The following SOCS7 variants were observed in gnomAD, a reference collection of about 807,000 sequenced individuals.
SOCS7 encodes NAP-4.
In SOCS7, 18 loss-of-function variants were observed where a neutral mutation model predicts 58.9. That is an observed-to-expected ratio of 0.31 (90% confidence interval 0.21 to 0.45). SOCS7 has a LOEUF of 0.45. Ranked by LOEUF, SOCS7 falls within the 20% of genes least tolerant of loss-of-function variation. SOCS7 has a pLI of 1.00. For synonymous variants in SOCS7, 388 were observed against 364.3 expected (o/e 1.06, Z -0.74); for missense variants, 667 against 837.3 (o/e 0.80, Z 2.51).
Position 38,357,664 on chromosome 17 carries a change from C to T in SOCS7, c.981-4047C>T, listed in dbSNP as rs587706717. On this transcript the variant is annotated intron_variant, in intron 1 of 9. Transcript: ENST00000612932. ...CCTGTAGCACATGAACAGACACTGG[C>T]TTATGACGTGTTGGAAATGGCACAG... Among the ~76,000 whole-genome samples, 46 of 152,292 alleles carry T rather than the reference C, an allele frequency of 3.0e-4. No individual in the cohort carries two copies. The South Asian group carries it at 9.3e-3, about 31-fold the overall frequency.
At chr17:38,386,568 G>A (rs906713887) in intron 7 of SOCS7, among the ~76,000 whole-genome samples, 5 of 151,956 alleles carry the variant, frequency 3.3e-5, no homozygotes, top group Non-Finnish European at 5.9e-5. Flanking sequence ...CTCTTTTTGT[G>A]ATCTTAGCAG....
chr17:38,352,616 C>T lies in SOCS7; in HGVS notation c.564C>T (p.Ala188=), dbSNP rs1284546793. ...LLVLEGLESE[A]ESLETNSCSE... is the part of the protein sequence containing the mutation. ...TCCTGGAGGGCTTGGAATCGGAGGC[C>T]GAGAGCCTGGAGACTAACAGCTGCT... Residue 188 remains alanine, a synonymous_variant, in exon 1 of 10, where the codon GCC becomes GCT. Coordinates refer to ENST00000612932, the MANE Select transcript of SOCS7 (RefSeq NM_014598.4). This position sits in a 1 kb window ranked among gnomAD's most constrained non-coding sequence, Gnocchi z 5.5. 1 of 1,550,076 alleles carries T rather than the reference C, an allele frequency of 6.5e-7. No homozygotes were observed. The highest frequency in any genetic ancestry group is 8.7e-7 in the Non-Finnish European group (1 of 1,146,868).
chr17:38,364,463 G>A (rs778729052), intron 2 of SOCS7, among the ~76,000 whole-genome samples: 22 of 152,168 alleles, frequency 1.4e-4, no homozygotes, highest in Non-Finnish European at 2.1e-4. Context: ...CCTTGTTTGA[G>A]GGTACGTTGT....
At chr17:38,381,530 G>A (rs1050868440) in intron 7 of SOCS7, among the ~76,000 whole-genome samples, 1 of 152,162 alleles carries the variant, frequency 6.6e-6, no homozygotes, top group African/African-American at 2.4e-5. Flanking sequence ...ACCCTTTGAG[G>A]GGATAGTACC....
At chr17:38,392,715 G>A (rs148468125) in intron 7 of SOCS7, among the ~76,000 whole-genome samples, 79 of 152,304 alleles carry the variant, frequency 5.2e-4, no homozygotes, top group Non-Finnish European at 1.1e-3. Context: ...ACTAGGAGAG[G>A]CTGGTCATGA....
intron 7 of SOCS7, 59 bp downstream of exon 7, chr17:38,377,901 CA>C (rs2037952071): frequency 2.6e-6 from 4 of 1,512,990 alleles, no homozygotes; most frequent in African/African-American, 1.4e-5. Context: ...AGTTTAGTGT[CA>C]AAAAACACCA....
chr17:38,388,381 C>T (rs1215608191), intron 7 of SOCS7, among the ~76,000 whole-genome samples: 5 of 151,648 alleles, frequency 3.3e-5, no homozygotes, highest in Non-Finnish European at 5.9e-5. Context: ...TAGCTAGGAG[C>T]GGTGGTGAGC....
chr17:38,396,654 G>T (rs1253686610), intron 9 of SOCS7, among the ~76,000 whole-genome samples: 1 of 152,162 alleles, frequency 6.6e-6, no homozygotes, highest in African/African-American at 2.4e-5. Flanking sequence ...AAAACATCTT[G>T]CAATACTGGT....
chr17:38,387,100 A>AAAT (rs2038079510), intron 7 of SOCS7, among the ~76,000 whole-genome samples: 3 of 83,004 alleles, frequency 3.6e-5, no homozygotes, highest in African/African-American at 1.6e-4. Flanking sequence ...AAAAAAAAAA[A>AAAT]AAATATATAT....
chr17:38,403,049 A>C lies in SOCS7; in HGVS notation c.*3567A>C, dbSNP rs181796130. On this transcript the variant is annotated 3_prime_UTR_variant, in exon 10 of 10. Transcript: ENST00000612932. ...AGTGGGTGGCAACCGGCTCTTTGGG[A>C]CCATTGGTGCTGACCTTTGCCTGGT... 58 of 152,060 alleles carry C rather than the reference A, an allele frequency of 3.8e-4. No homozygotes were observed. Among genetic ancestry groups the C allele is most frequent in the African/African-American group, 1.4e-3 (57 of 41,446 alleles). 9.4% of individuals were successfully genotyped at this position (152,060 alleles called of 1,614,324 possible).
chr17:38,352,355 C>T lies in SOCS7; in HGVS notation c.303C>T (p.Pro101=). 6.9e-7 allele frequency: 1 copy of T among 1,456,772 alleles called. No homozygotes were observed. The highest frequency in any genetic ancestry group is 9.0e-7 in the Non-Finnish European group (1 of 1,116,608). 90.2% of individuals were successfully genotyped at this position (1,456,772 alleles called of 1,614,324 possible). Residue 101 remains proline (P), a synonymous_variant, in exon 1 of 10, where the codon CCC becomes CCT. Coordinates refer to ENST00000612932, the MANE Select transcript of SOCS7 (RefSeq NM_014598.4). The surrounding 1 kb of genome is among the most constrained non-coding windows in gnomAD (Gnocchi z 5.5). ...LCPRHRCALD[P]KALPPGLALE... ...CCCGGCACCGCTGTGCCCTGGACCC[C>T]AAGGCCCTGCCGCCGGGCTTGGCGC...
intron 7 of SOCS7, among the ~76,000 whole-genome samples, chr17:38,394,507 T>C (rs934394365): frequency 6.6e-6 from 1 of 151,980 alleles, no homozygotes; most frequent in Non-Finnish European, 1.5e-5. Context: ...AACCAGCCTC[T>C]CTGCTGAACC....
intron 5 of SOCS7, among the ~76,000 whole-genome samples, chr17:38,367,602 G>A (rs967072685): frequency 3.9e-4 from 60 of 152,324 alleles, no homozygotes; most frequent in Non-Finnish European, 5.4e-4. Flanking sequence ...TCGAACTCCT[G>A]ACCTCAAGTG....
intron 7 of SOCS7, among the ~76,000 whole-genome samples, chr17:38,391,986 G>C (rs7217260): frequency 0.098 from 14,952 of 152,198 alleles, 810 homozygotes; most frequent in East Asian, 0.2. Context: ...CTAGAAACTA[G>C]GTTTGTGCCC....
At chr17:38,353,063 T>C (rs1325169933) in intron 1 of SOCS7, 31 bp downstream of exon 1, 3 of 1,513,162 alleles carry the variant, frequency 2.0e-6, no homozygotes, top group African/African-American at 2.8e-5. Flanking sequence ...GCCGACAAAC[T>C]TCCTTTTCTT....
At chr17:38,390,198 G>T (rs1387231514) in intron 7 of SOCS7, among the ~76,000 whole-genome samples, 1 of 151,934 alleles carries the variant, frequency 6.6e-6, no homozygotes, top group Admixed American at 6.6e-5. Flanking sequence ...CCATTGAATT[G>T]TCTTGGCATC....
At chr17:38,378,949 G>A (rs2037965751) in intron 7 of SOCS7, among the ~76,000 whole-genome samples, 1 of 152,070 alleles carries the variant, frequency 6.6e-6, no homozygotes, top group Admixed American at 6.6e-5. Context: ...CTCAAGTCCA[G>A]GAGTTCAAGA....
intron 6 of SOCS7, among the ~76,000 whole-genome samples, chr17:38,374,462 A>G (rs537025030): frequency 6.7e-6 from 1 of 150,326 alleles, no homozygotes; most frequent in Non-Finnish European, 1.5e-5. Context: ...AACCGTGATC[A>G]TGCCACTGCA....
chr17:38,376,116 T>C (rs1419531367), intron 6 of SOCS7, among the ~76,000 whole-genome samples: 1 of 152,220 alleles, frequency 6.6e-6, no homozygotes, highest in African/African-American at 2.4e-5. Context: ...ATGTAAACTA[T>C]ACACACATGT....
Sources: gnomAD v4.1 joint callset for allele counts (sites outside exome capture counted in the v4.1 genomes callset) on GRCh38, gnomAD v4.1.1 for gene constraint, Gnocchi (gnomAD v3.1) non-coding constraint, MANE v1.5 for transcripts, NCBI Gene and HGNC (gene_info 2026-07-23, HGNC 2026-07-21) for gene names.